DOCK3: variants seen among roughly 807,000 people sequenced by gnomAD.
DOCK3 encodes dedicator of cytokinesis 3.
DOCK3 carries 60 observed loss-of-function variants against 265.6 expected under a neutral mutation model. The ratio of observed to expected loss-of-function variants is 0.23; its 90% CI spans 0.18 to 0.28. The LOEUF (loss-of-function observed/expected upper bound fraction) is 0.28, where lower values mean the gene tolerates loss of function less well. DOCK3 is among the 10% of genes least tolerant of loss of function. The probability of loss-of-function intolerance (pLI) is 1.00; values close to 1 mark genes in which losing one functional copy is unlikely to be tolerated. For synonymous variants in DOCK3, 881 were observed against 938.0 expected, an observed-to-expected ratio of 0.94 and a Z score of 1.11; for missense variants, 1,981 against 2,594.3, an observed-to-expected ratio of 0.76 and a Z score of 5.14.
chr3:51,366,971 T>A (rs1424040473), intron 49 of DOCK3, among the ~76,000 whole-genome samples: 1 of 152,204 alleles, frequency 6.6e-6, no homozygotes, highest in Non-Finnish European at 1.5e-5. Context: ...TTCTGTTGAT[T>A]TGGGGTGGAG....
intron 3 of DOCK3, among the ~76,000 whole-genome samples, chr3:50,851,127 C>T (rs2046340356): frequency 6.6e-6 from 1 of 152,156 alleles, no homozygotes; most frequent in African/African-American, 2.4e-5. Flanking sequence ...GGGAAACCTC[C>T]TTGGCCCCAA....
At chr3:50,743,368 T>C (rs1472310334) in intron 1 of DOCK3, among the ~76,000 whole-genome samples, 2 of 151,848 alleles carry the variant, frequency 1.3e-5, no homozygotes, top group Admixed American at 1.3e-4. Flanking sequence ...GTAAATGGAC[T>C]AAAAGCTCCA....
At chr3:50,971,132 A>G (rs1324870168) in intron 5 of DOCK3, among the ~76,000 whole-genome samples, 2 of 149,696 alleles carry the variant, frequency 1.3e-5, no homozygotes, top group Non-Finnish European at 3.0e-5. Flanking sequence ...GCTCAGCCCC[A>G]CTGAGATTAT....
rs1412571353 is a variant in DOCK3 at position 50,675,062 on chromosome 3, G to T, written c.-202G>T. ...CGCCCGCGCCGCCAGGGGCTGCTGG[G>T]CCACCCGCGGAGCCTCGCGGTCCAG... On this transcript the variant is annotated 5_prime_UTR_variant, in exon 1 of 53. Transcript: ENST00000266037. This position sits in a 1 kb window ranked among gnomAD's most constrained non-coding sequence, Gnocchi z 6.1. 5.4e-6 allele frequency: 1 copy of T among 183,766 alleles called. No individual in the cohort carries two copies. Among genetic ancestry groups the T allele is most frequent in the East Asian group, 1.8e-4 (1 of 5,430 alleles). The allele number at this position is 183,766 out of a possible 1,614,324, so 11.4% of individuals were successfully genotyped here. A position where few individuals can be genotyped will look rare whatever the true frequency, so the allele number is the denominator to read the frequency against.
At chr3:50,844,682 A>G (rs2045998101) in intron 3 of DOCK3, among the ~76,000 whole-genome samples, 1 of 152,228 alleles carries the variant, frequency 6.6e-6, no homozygotes, top group Non-Finnish European at 1.5e-5. Context: ...ATGACTACAT[A>G]CTAAAATTTT....
At chr3:51,009,333 G>T (rs185739303) in intron 5 of DOCK3, among the ~76,000 whole-genome samples, 1 of 151,866 alleles carries the variant, frequency 6.6e-6, no homozygotes, top group African/African-American at 2.4e-5. Context: ...ACTTCTTCCT[G>T]GTTTAGTCTT....
chr3:51,380,302 CCTCCCCTTCACCTCT>C, intron 52 of DOCK3, 95 bp downstream of exon 52: 1 of 1,203,036 alleles, frequency 8.3e-7, no homozygotes, highest in South Asian at 1.5e-5. Flanking sequence ...GAACTGGAGC[CCTCCCCTTCACCTCT>C]CTCCCCAGCC....
At chr3:51,201,241 A>G (rs1196768062) in intron 12 of DOCK3, among the ~76,000 whole-genome samples, 1 of 151,154 alleles carries the variant, frequency 6.6e-6, no homozygotes, top group Non-Finnish European at 1.5e-5. Context: ...AATTGGATAA[A>G]GAGTCAAGAC....
intron 5 of DOCK3, among the ~76,000 whole-genome samples, chr3:50,988,351 C>T (rs1044522419): frequency 7.2e-5 from 11 of 152,214 alleles, no homozygotes; most frequent in African/African-American, 2.7e-4. Flanking sequence ...CCCCCACAAC[C>T]CCTGTTGGTG....
intron 21 of DOCK3, among the ~76,000 whole-genome samples, chr3:51,246,351 G>T (rs140484858): frequency 2.5e-4 from 37 of 150,818 alleles, no homozygotes; most frequent in African/African-American, 8.5e-4. Flanking sequence ...ACCTGATTCA[G>T]CCTCCTGAGT....
intron 24 of DOCK3, among the ~76,000 whole-genome samples, chr3:51,274,309 A>G (rs1481715436): frequency 6.6e-6 from 1 of 152,218 alleles, no homozygotes; most frequent in African/African-American, 2.4e-5. Context: ...GGCAAGGTAA[A>G]CACTCACAGG....
At chr3:51,223,356 C>T (rs190135224) in intron 14 of DOCK3, among the ~76,000 whole-genome samples, 2 of 152,144 alleles carry the variant, frequency 1.3e-5, no homozygotes, top group African/African-American at 4.8e-5. Context: ...AAACTAAAAA[C>T]GTTTGTATAA....
intron 5 of DOCK3, among the ~76,000 whole-genome samples, chr3:51,060,492 T>C (rs2081373358): frequency 6.6e-6 from 1 of 152,238 alleles, no homozygotes; most frequent in South Asian, 2.1e-4. Flanking sequence ...TGAATGGTAC[T>C]GCCTAGGCTT....
intron 44 of DOCK3, 106 bp downstream of exon 44, chr3:51,357,247 A>C: frequency 7.8e-7 from 1 of 1,280,444 alleles, no homozygotes; most frequent in Non-Finnish European, 1.1e-6. Flanking sequence ...CCTTCCCTAC[A>C]TGCCCTCTCT....
chr3:50,970,941 AT>A lies in DOCK3; in HGVS notation c.315+36865del, dbSNP rs1559878768. On this transcript the variant is annotated intron_variant, in intron 5 of 52. Transcript: ENST00000266037. ...TATATATATATATATATATATATAT[AT>A]ATATAATGTGTGTGTGTGTGTGTGT... Among the ~76,000 whole-genome samples the A allele has an allele frequency of 9.1e-4, 65 of 71,624 alleles. 2 individuals carry two copies. Among genetic ancestry groups the A allele is most frequent in the African/African-American group, 2.2e-3 (36 of 16,144 alleles). The allele number at this position is 71,624 out of a possible 152,430, so 47.0% of individuals were successfully genotyped here.
At chr3:50,966,275 G>C (rs1456626990) in intron 5 of DOCK3, among the ~76,000 whole-genome samples, 1 of 152,076 alleles carries the variant, frequency 6.6e-6, no homozygotes, top group African/African-American at 2.4e-5. Flanking sequence ...ATGAATGAGG[G>C]GGTGCAGATA....
chr3:51,059,025 A>G (rs999186382), intron 5 of DOCK3, among the ~76,000 whole-genome samples: 1 of 152,108 alleles, frequency 6.6e-6, no homozygotes, highest in Non-Finnish European at 1.5e-5. Context: ...TAATCCCCTC[A>G]CACGGGTAGT....
At chr3:50,746,954 A>G (rs981792531) in intron 1 of DOCK3, among the ~76,000 whole-genome samples, 4 of 152,242 alleles carry the variant, frequency 2.6e-5, no homozygotes, top group Middle Eastern at 3.4e-3. Context: ...TATATCATCT[A>G]TTATCCATTT....
intron 5 of DOCK3, among the ~76,000 whole-genome samples, chr3:50,978,467 T>G (rs1041860489): frequency 9.2e-5 from 14 of 152,302 alleles, no homozygotes; most frequent in African/African-American, 2.9e-4. Context: ...GGGGGTCAGG[T>G]GTCAGGGACC....
Sources: gnomAD v4.1 joint callset for allele counts (sites outside exome capture counted in the v4.1 genomes callset) on GRCh38, gnomAD v4.1.1 for gene constraint, Gnocchi (gnomAD v3.1) non-coding constraint, MANE v1.5 for transcripts, NCBI Gene and HGNC (gene_info 2026-07-23, HGNC 2026-07-21) for gene names.